The following LMOD1 variants were observed in gnomAD, a reference collection of about 807,000 sequenced individuals.
LMOD1 encodes leiomodin 1, also known as leiomodin-1.
In LMOD1, 8 loss-of-function variants were observed where a neutral mutation model predicts 36.5. The observed-to-expected ratio is 0.22, with a 90% CI of 0.13 to 0.40. The LOEUF is 0.40. LMOD1 is among the 10% of genes least tolerant of loss of function. The probability of loss-of-function intolerance (pLI) is 1.00; values close to 1 mark genes in which losing one functional copy is unlikely to be tolerated. For synonymous variants in LMOD1, 284 were observed against 288.7 expected (o/e 0.98, Z 0.17); for missense variants, 630 against 751.1 (o/e 0.84, Z 1.88).
intron 1 of LMOD1, among the ~76,000 whole-genome samples, chr1:201,920,151 C>T (rs959151911): frequency 1.1e-4 from 16 of 147,492 alleles, no homozygotes; most frequent in Admixed American, 2.1e-4. Flanking sequence ...CCTCAACCTC[C>T]GGGGTTCAAG....
At chr1:201,907,700 C>T (rs1444796398) in intron 1 of LMOD1, among the ~76,000 whole-genome samples, 2 of 152,090 alleles carry the variant, frequency 1.3e-5, no homozygotes, top group Non-Finnish European at 2.9e-5. Flanking sequence ...CAGGTATTAT[C>T]CCCACCAACA....
chr1:201,897,117 A>G lies in LMOD1; in HGVS notation c.*1255T>C. Reference sequence around the variant, plus strand: ...TTCCTGCAGTTGGGGCAGGAAGTGGAATTGGTGAGCAGGTGGGGAGGGCTG... The same window carrying G: ...TTCCTGCAGTTGGGGCAGGAAGTGGGATTGGTGAGCAGGTGGGGAGGGCTG... On this transcript the variant is annotated 3_prime_UTR_variant, in exon 3 of 3. Coordinates refer to ENST00000367288, the MANE Select transcript of LMOD1 (RefSeq NM_012134.3). The G allele has an allele frequency of 3.9e-6, 1 of 256,072 alleles. No individual in the cohort carries two copies. The highest frequency in any genetic ancestry group is 2.2e-5 in the African/African-American group (1 of 45,326). 15.9% of individuals were successfully genotyped at this position (256,072 alleles called of 1,614,324 possible). A position where few individuals can be genotyped will look rare whatever the true frequency, so the allele number is the denominator to read the frequency against.
At chr1:201,915,771 C>T (rs1329364582) in intron 1 of LMOD1, among the ~76,000 whole-genome samples, 1 of 152,114 alleles carries the variant, frequency 6.6e-6, no homozygotes, top group African/African-American at 2.4e-5. Context: ...CACAGATGTT[C>T]CCTTGGTCCA....
At chr1:201,912,429 A>G (rs192691216) in intron 1 of LMOD1, among the ~76,000 whole-genome samples, 2 of 150,910 alleles carry the variant, frequency 1.3e-5, no homozygotes, top group African/African-American at 2.4e-5. Context: ...CTTGGCCCCT[A>G]TCACTCTGTT....
At chr1:201,909,024 C>A in intron 1 of LMOD1, among the ~76,000 whole-genome samples, 1 of 152,226 alleles carries the variant, frequency 6.6e-6, no homozygotes, top group Admixed American at 6.5e-5. Context: ...CCCACATGCT[C>A]AGGGCTTCAG....
At chr1:201,939,224 G>A (rs1054604822) in intron 1 of LMOD1, among the ~76,000 whole-genome samples, 3 of 151,928 alleles carry the variant, frequency 2.0e-5, no homozygotes, top group Admixed American at 6.6e-5. Flanking sequence ...TTTAGAGTGA[G>A]GAAAGAAGGT....
chr1:201,937,758 C>G (rs959739717), intron 1 of LMOD1, among the ~76,000 whole-genome samples: 5 of 152,086 alleles, frequency 3.3e-5, no homozygotes, highest in Non-Finnish European at 7.4e-5. Context: ...AGAGTGAGAT[C>G]CTGTCTCAAA....
chr1:201,902,735 G>A (rs2790908), intron 1 of LMOD1, among the ~76,000 whole-genome samples: 4 of 152,122 alleles, frequency 2.6e-5, no homozygotes, highest in African/African-American at 4.8e-5. Flanking sequence ...GTGAGCCGCC[G>A]CGCCAGGCTG....
Position 201,898,093 on chromosome 1 carries a change from G to A in LMOD1, c.*279C>T. The A allele has an allele frequency of 2.0e-6, 1 of 509,618 alleles. No homozygotes were observed. The highest frequency in any genetic ancestry group is 2.4e-5 in the South Asian group (1 of 41,802). The allele number at this position is 509,618 out of a possible 1,614,324, so 31.6% of individuals were successfully genotyped here. On this transcript the variant is annotated 3_prime_UTR_variant, in exon 3 of 3. Coordinates refer to ENST00000367288, the MANE Select transcript of LMOD1 (RefSeq NM_012134.3). ...GCCAGCTACATGGGCCCTGGACAGT[G>A]CCATCTTCTCAGTGATGTGCTAAAA...
chr1:201,915,892 C>A (rs146902044), intron 1 of LMOD1, among the ~76,000 whole-genome samples: 12 of 152,224 alleles, frequency 7.9e-5, no homozygotes, highest in African/African-American at 2.9e-4. Context: ...GAAGGCCAGA[C>A]CCATCCGAAG....
intron 1 of LMOD1, among the ~76,000 whole-genome samples, chr1:201,933,635 A>C (rs1385697699): frequency 1.4e-5 from 2 of 144,688 alleles, no homozygotes; most frequent in East Asian, 4.2e-4. Flanking sequence ...GGCAAGACTA[A>C]CCTAGGGGAT....
In LMOD1 at chr1:201,918,880, A is replaced by G. The variant is rs114154926; in HGVS notation, c.262-18129T>C. ...TCCAGGTGTATCATTTCATGCATAC[A>G]TATTTCAGTGTGTACTCTATTTCTT... On this transcript the variant is annotated intron_variant, in intron 1 of 2. Coordinates refer to ENST00000367288, the MANE Select transcript of LMOD1 (RefSeq NM_012134.3). 9.1e-3 allele frequency among the ~76,000 whole-genome samples: 1,392 copies of G among 152,276 alleles called. 20 individuals carry two copies. The highest frequency in any genetic ancestry group is 0.032 in the African/African-American group (1,349 of 41,554).
intron 1 of LMOD1, among the ~76,000 whole-genome samples, chr1:201,944,748 G>T (rs986036823): frequency 6.6e-6 from 1 of 151,882 alleles, no homozygotes; most frequent in African/African-American, 2.4e-5. Flanking sequence ...GGGGCGGTAG[G>T]GACAGAGACA....
chr1:201,906,549 CA>C (rs1681416545), intron 1 of LMOD1, among the ~76,000 whole-genome samples: 2 of 152,276 alleles, frequency 1.3e-5, no homozygotes, highest in Non-Finnish European at 1.5e-5. Context: ...GAGGGCCTGT[CA>C]AAGGTCCCCT....
chr1:201,935,241 A>C (rs1468587890), intron 1 of LMOD1, among the ~76,000 whole-genome samples: 1 of 152,152 alleles, frequency 6.6e-6, no homozygotes, highest in Admixed American at 6.5e-5. Flanking sequence ...TGAGAAATGG[A>C]AACTGGCTGA....
At chr1:201,940,820 C>T (rs545733503) in intron 1 of LMOD1, among the ~76,000 whole-genome samples, 6 of 149,508 alleles carry the variant, frequency 4.0e-5, no homozygotes, top group Admixed American at 4.0e-4. Flanking sequence ...ACGATCTCGG[C>T]GCACCGTAAC....
rs533788169 is a variant in LMOD1 at position 201,901,502 on chromosome 1, CAA to C, written c.262-753_262-752del. 8.0e-3 allele frequency among the ~76,000 whole-genome samples: 592 copies of C among 73,622 alleles called. 20 individuals are homozygous for C. Among genetic ancestry groups the C allele is most frequent in the African/African-American group, 0.013 (224 of 16,746 alleles). The allele number at this position is 73,622 out of a possible 152,430, so 48.3% of individuals were successfully genotyped here. A position where few individuals can be genotyped will look rare whatever the true frequency, so the allele number is the denominator to read the frequency against. ...AAGCAACAAGAGCGAAACTCTGTCT[CAA>C]AAAAAAAATATATATATATATATAT... On this transcript the variant is annotated intron_variant, in intron 1 of 2. Transcript: ENST00000367288.
Position 201,896,793 on chromosome 1 carries a change from A to G in LMOD1, c.*1579T>C, listed in dbSNP as rs1052382573. On this transcript the variant is annotated 3_prime_UTR_variant, in exon 3 of 3. Coordinates refer to ENST00000367288, the MANE Select transcript of LMOD1 (RefSeq NM_012134.3). ...GGCAAGTGGGTGGAGGGAATGGAGA[A>G]GAGTGTACCCTGGGATCTGAGGGCT... is the stretch of plus-strand genomic sequence containing the variant. 1.8e-5 allele frequency: 8 copies of G among 450,100 alleles called. No homozygotes were observed. The highest frequency in any genetic ancestry group is 1.6e-4 in the African/African-American group (8 of 49,932). 27.9% of individuals were successfully genotyped at this position (450,100 alleles called of 1,614,324 possible).
chr1:201,914,942 C>T (rs1457384703), intron 1 of LMOD1, among the ~76,000 whole-genome samples: 1 of 152,138 alleles, frequency 6.6e-6, no homozygotes, highest in Non-Finnish European at 1.5e-5. Flanking sequence ...CCCGTATACC[C>T]AAACTTCCTC....
Sources: gnomAD v4.1 joint callset for allele counts (sites outside exome capture counted in the v4.1 genomes callset) on GRCh38, gnomAD v4.1.1 for gene constraint, MANE v1.5 for transcripts, NCBI Gene and HGNC (gene_info 2026-07-23, HGNC 2026-07-21) for gene names.